TMEM232: variants seen among roughly 807,000 people sequenced by gnomAD.
TMEM232 encodes the protein transmembrane protein 232.
A neutral mutation model predicts 78.8 loss-of-function variants in TMEM232; 80 were observed. The ratio of observed to expected loss-of-function variants is 1.01; its 90% CI spans 0.85 to 1.22. The LOEUF (loss-of-function observed/expected upper bound fraction) is 1.22, where lower values mean the gene tolerates loss of function less well. TMEM232 is among the 50% of genes most tolerant of loss of function. TMEM232 has a pLI of 0.00. For synonymous variants in TMEM232, 297 were observed against 254.3 expected (o/e 1.17, Z -1.60); for missense variants, 881 against 742.2 (o/e 1.19, Z -2.17).
intron 1 of TMEM232, among the ~76,000 whole-genome samples, chr5:110,735,270 T>C (rs1018545613): frequency 2.0e-5 from 3 of 152,230 alleles, no homozygotes; most frequent in African/African-American, 7.2e-5. Context: ...GTGCCAACTC[T>C]TGAAAACTGT....
chr5:110,447,151 G>GTATA (rs201670078), intron 12 of TMEM232, among the ~76,000 whole-genome samples: 2 of 149,510 alleles, frequency 1.3e-5, no homozygotes, highest in Admixed American at 6.7e-5. Flanking sequence ...ATATATATGT[G>GTATA]TATATATATA....
chr5:110,591,627 G>C (rs555885508), intron 10 of TMEM232, among the ~76,000 whole-genome samples: 18 of 152,096 alleles, frequency 1.2e-4, no homozygotes, highest in African/African-American at 4.1e-4. Flanking sequence ...CTCACCCAAA[G>C]TCCTATCCCA....
At chr5:110,499,648 T>C (rs77474861) in intron 12 of TMEM232, among the ~76,000 whole-genome samples, 4,362 of 127,812 alleles carry the variant, frequency 0.034, 90 homozygotes, top group Middle Eastern at 0.053. Flanking sequence ...CACACACACA[T>C]ATATATATAT....
At chr5:110,561,854 T>C (rs1300774154) in intron 11 of TMEM232, among the ~76,000 whole-genome samples, 3 of 152,092 alleles carry the variant, frequency 2.0e-5, no homozygotes, top group Non-Finnish European at 4.4e-5. Flanking sequence ...AATGCACTTA[T>C]TGACATGGCA....
intron 11 of TMEM232, among the ~76,000 whole-genome samples, chr5:110,546,243 G>A (rs917951318): frequency 2.0e-5 from 3 of 152,092 alleles, no homozygotes; most frequent in Admixed American, 2.0e-4. Flanking sequence ...ATAATGTAAA[G>A]AAAGTCGATA....
At chr5:110,711,485 G>A (rs1414813382) in intron 1 of TMEM232, among the ~76,000 whole-genome samples, 2 of 152,076 alleles carry the variant, frequency 1.3e-5, no homozygotes, top group African/African-American at 2.4e-5. Flanking sequence ...CAAAATTGGA[G>A]GAATCACATT....
chr5:110,432,427 A>T (rs1757960395), intron 12 of TMEM232, among the ~76,000 whole-genome samples: 1 of 151,724 alleles, frequency 6.6e-6, no homozygotes, highest in African/African-American at 2.4e-5. Flanking sequence ...CCAAACATGC[A>T]GTTTCTAAGG....
At chr5:110,459,622 C>T (rs1358721378) in intron 12 of TMEM232, among the ~76,000 whole-genome samples, 1 of 152,026 alleles carries the variant, frequency 6.6e-6, no homozygotes, top group Non-Finnish European at 1.5e-5. Flanking sequence ...AGACAAGAAA[C>T]ATCAATGGAT....
chr5:110,568,700 TA>T, intron 10 of TMEM232, 75 bp from the exon 11 acceptor site: 1 of 1,360,330 alleles, frequency 7.4e-7, no homozygotes, highest in Non-Finnish European at 9.8e-7. Flanking sequence ...TGAAACAGAA[TA>T]AACCAATTTT....
At chr5:110,532,403 CCTT>C (rs1362515200) in intron 11 of TMEM232, among the ~76,000 whole-genome samples, 15 of 151,786 alleles carry the variant, frequency 9.9e-5, no homozygotes, top group Non-Finnish European at 1.8e-4. Context: ...AAGTCCGTCC[CCTT>C]CTTAATCAAT....
chr5:110,670,957 T>C (rs373799535), intron 1 of TMEM232, among the ~76,000 whole-genome samples: 1 of 151,690 alleles, frequency 6.6e-6, no homozygotes, highest in South Asian at 2.1e-4. Flanking sequence ...TTATTGTGAA[T>C]TATAAAAAAA....
At chr5:110,539,818 T>A (rs1161007970) in intron 11 of TMEM232, among the ~76,000 whole-genome samples, 3 of 152,188 alleles carry the variant, frequency 2.0e-5, no homozygotes, top group Non-Finnish European at 4.4e-5. Context: ...AGGCTTAGAA[T>A]AACCTTCAAC....
At chr5:110,479,710 T>C (rs1434581368) in intron 12 of TMEM232, among the ~76,000 whole-genome samples, 1 of 151,828 alleles carries the variant, frequency 6.6e-6, no homozygotes, top group East Asian at 1.9e-4. Flanking sequence ...CTTAATAGTC[T>C]CTGTTTTGTG....
chr5:110,526,854 G>A (rs899610338), intron 12 of TMEM232, among the ~76,000 whole-genome samples: 1 of 151,634 alleles, frequency 6.6e-6, no homozygotes, highest in African/African-American at 2.4e-5. Flanking sequence ...TCCATAATAA[G>A]GAAAACTTGT....
intron 2 of TMEM232, among the ~76,000 whole-genome samples, chr5:110,409,314 A>G (rs1755906302): frequency 2.0e-5 from 3 of 152,202 alleles, no homozygotes. Context: ...CACAACTTAT[A>G]TGGAGCCAAC....
At chr5:110,398,558 T>A (rs1428618511) in intron 2 of TMEM232, among the ~76,000 whole-genome samples, 1 of 152,162 alleles carries the variant, frequency 6.6e-6, no homozygotes, top group Non-Finnish European at 1.5e-5. Context: ...TCAGCCCTGA[T>A]GCCACATGCT....
intron 13 of TMEM232, among the ~76,000 whole-genome samples, chr5:110,421,902 G>T (rs1038607730): frequency 5.9e-5 from 9 of 152,068 alleles, no homozygotes; most frequent in African/African-American, 2.2e-4. Flanking sequence ...AAAGTTAACT[G>T]CACTTATCTT....
At chr5:110,536,258 T>G (rs1170440561) in intron 11 of TMEM232, among the ~76,000 whole-genome samples, 16 of 152,182 alleles carry the variant, frequency 1.1e-4, no homozygotes, top group Non-Finnish European at 1.3e-4. Context: ...CACCACCCAG[T>G]TCTAGTAAGG....
intron 2 of TMEM232, among the ~76,000 whole-genome samples, chr5:110,657,728 T>G (rs1368171542): frequency 6.6e-6 from 1 of 152,246 alleles, no homozygotes; most frequent in African/African-American, 2.4e-5. Flanking sequence ...TATTTCAAGA[T>G]AGCCAGAAGA....
Sources: gnomAD v4.1 joint callset for allele counts (sites outside exome capture counted in the v4.1 genomes callset) on GRCh38, gnomAD v4.1.1 for gene constraint, MANE v1.5 for transcripts, NCBI Gene and HGNC (gene_info 2026-07-23, HGNC 2026-07-21) for gene names.